The following KCNJ14 variants were observed in gnomAD, a reference collection of about 807,000 sequenced individuals.
KCNJ14 encodes potassium inwardly rectifying channel subfamily J member 14, also known as ATP-sensitive inward rectifier potassium channel 14.
Under a neutral mutation model 24.5 loss-of-function variants are expected in KCNJ14, and 18 were observed. The observed-to-expected ratio is 0.74, with a 90% CI of 0.51 to 1.09. The LOEUF is 1.09. Ranked by LOEUF, KCNJ14 falls within the 50% of genes least tolerant of loss-of-function variation. The pLI is 0.00. For missense variants in KCNJ14, 633 were observed against 623.0 expected (o/e 1.02, Z -0.17); for synonymous variants, 288 against 270.8 (o/e 1.06, Z -0.63).
chr19:48,455,897 G>C (rs77586652), intron 1 of KCNJ14, 39 bp downstream of exon 1: 1 of 152,338 alleles, frequency 6.6e-6, no homozygotes, highest in African/African-American at 2.4e-5. Flanking sequence ...GGGGCTGTGG[G>C]CATGTCGGGA....
rs949627091 is a variant in KCNJ14, at chr19:48,465,614, G to C, written c.*837G>C. Reference sequence around the variant, plus strand: ...GCAGTGCTTTGAAAGGATCCACTGGGTGGGTTGTTTTTTTTTAAAGTGCCA... The same window carrying C: ...GCAGTGCTTTGAAAGGATCCACTGGCTGGGTTGTTTTTTTTTAAAGTGCCA... On this transcript the variant is annotated 3_prime_UTR_variant, in exon 3 of 3. Transcript: ENST00000342291. The C allele has an allele frequency of 6.6e-6, 1 of 152,552 alleles. No individual in the cohort carries two copies. Among genetic ancestry groups the C allele is most frequent in the African/African-American group, 2.4e-5 (1 of 41,426 alleles). 9.4% of individuals were successfully genotyped at this position (152,552 alleles called of 1,614,324 possible).
chr19:48,464,035 G>A (rs1228808094), intron 2 of KCNJ14, 146 bp from the exon 3 acceptor site: 1 of 647,478 alleles, frequency 1.5e-6, no homozygotes, highest in East Asian at 2.6e-5. Context: ...CTGGGTTGCC[G>A]GCCCCATCTC....
In KCNJ14 at chr19:48,461,888, AAGAC is replaced by A. The variant is rs1569083568; in HGVS notation, c.165_168del (p.Asp56GlyfsTer8). The A allele has an allele frequency of 6.3e-7, 1 of 1,597,292 alleles. No homozygotes were observed. Among genetic ancestry groups the A allele is most frequent in the Admixed American group, 1.7e-5 (1 of 58,364 alleles). ...CGGCGCCGCGGTCGCTTCGTCAAGAAAGACGGGCACTGCAACGTGCGTTTCGTAA... is the reference window on the plus strand; with the variant it reads ...CGGCGCCGCGGTCGCTTCGTCAAGAAGGGCACTGCAACGTGCGTTTCGTAA... On this transcript the variant is annotated frameshift_variant, in exon 2 of 3. Transcript: ENST00000342291. LOFTEE classifies it high-confidence loss of function.
Position 48,464,479 on chromosome 19 carries a change from G to A in KCNJ14, c.1013G>A (p.Arg338His), listed in dbSNP as rs201147349. The change falls in exon 3 of 3, where the codon CGT (arginine) becomes CAT (histidine). Residue 338 changes from arginine (R) to histidine (H), a missense_variant. Coordinates refer to ENST00000342291, the MANE Select transcript of KCNJ14 (RefSeq NM_013348.4). ...GHRFEPVLFQ[R>H]GSQYEVDYRH... Reference sequence around the variant, plus strand: ...CGTTTTGAGCCAGTTCTCTTCCAGCGTGGCTCCCAGTATGAGGTCGACTAT... The same window carrying A: ...CGTTTTGAGCCAGTTCTCTTCCAGCATGGCTCCCAGTATGAGGTCGACTAT... 2.2e-4 allele frequency: 352 copies of A among 1,613,932 alleles called. No individual in the cohort carries two copies. Among genetic ancestry groups the A allele is most frequent in the Non-Finnish European group, 2.8e-4 (330 of 1,180,026 alleles).
chr19:48,459,569 A>AT (rs1477467959), intron 1 of KCNJ14, among the ~76,000 whole-genome samples: 5 of 151,806 alleles, frequency 3.3e-5, no homozygotes, highest in African/African-American at 7.3e-5. Flanking sequence ...TAATTTTTTA[A>AT]TTTTTTTGTA....
chr19:48,459,037 G>A (rs1238367941), intron 1 of KCNJ14, among the ~76,000 whole-genome samples: 2 of 150,406 alleles, frequency 1.3e-5, no homozygotes, highest in Non-Finnish European at 3.0e-5. Context: ...TCAGGAGATC[G>A]AGACCATCCT....
At position 48,461,882 on chromosome 19, in the gene KCNJ14, T is replaced by A. The variant is rs1971601760; in HGVS notation, c.158T>A (p.Val53Asp). The part of the protein sequence containing the change: ...SPVGRRRGRF[V>D]KKDGHCNVRF... ...GTGGGCCGGCGCCGCGGTCGCTTCG[T>A]CAAGAAAGACGGGCACTGCAACGTG... Residue 53 changes from valine to aspartate, a missense_variant, in exon 2 of 3, where the codon GTC (valine) becomes GAC (aspartate). Val to Asp is a radical substitution (Grantham distance 152). Transcript: ENST00000342291. The A allele has an allele frequency of 3.8e-6, 6 of 1,593,288 alleles. No homozygotes were observed. The highest frequency in any genetic ancestry group is 5.1e-6 in the Non-Finnish European group (6 of 1,168,922).
Position 48,461,023 on chromosome 19 carries a change from A to T in KCNJ14, c.-55-647A>T, listed in dbSNP as rs185282180. The stretch of plus-strand genomic sequence containing the variant: ...AAAAATTAAATTAAAAAAAAAATTT[A>T]AAAAAGAAGGTGGCTGGCCAGGCGC... On this transcript the variant is annotated intron_variant, in intron 1 of 2. Transcript: ENST00000342291. 2.6e-3 allele frequency among the ~76,000 whole-genome samples: 399 copies of T among 152,012 alleles called. 5 individuals carry two copies. Among genetic ancestry groups the T allele is most frequent in the African/African-American group, 9.1e-3 (376 of 41,504 alleles).
In KCNJ14 at chr19:48,462,011, C is replaced by T. The variant is rs1181791548; in HGVS notation, c.287C>T (p.Ser96Phe). Residue 96 changes from serine to phenylalanine, a missense_variant, in exon 2 of 3, where the codon TCC becomes TTC. Physicochemically the swap from Ser to Phe is radical, Grantham distance 155. Transcript: ENST00000342291. This position sits in a 1 kb window ranked among gnomAD's most constrained non-coding sequence, Gnocchi z 4.9. ...WRWMCLLFSC[S>F]FLASWLLFGL... ...TGGATGTGCCTGCTCTTCTCCTGCT[C>T]CTTCCTCGCCTCCTGGCTGCTCTTC... is the stretch of plus-strand genomic sequence containing the variant. 6.2e-7 allele frequency: 1 copy of T among 1,612,872 alleles called. No homozygotes were observed.
intron 1 of KCNJ14, among the ~76,000 whole-genome samples, chr19:48,457,363 G>A (rs1275235299): frequency 6.6e-6 from 1 of 152,204 alleles, no homozygotes; most frequent in African/African-American, 2.4e-5. Context: ...AAATGGTTGA[G>A]CAAACTGAGT....
At position 48,466,954 on chromosome 19, in the gene KCNJ14, C is replaced by T. The variant is rs1335891732; in HGVS notation, c.*2177C>T. Reference sequence around the variant, plus strand: ...TGAGTGTTTTAGGGGGAGACCTGTCCCCCAGATTAAAGAACTGGGAGCCCT... The same window carrying T: ...TGAGTGTTTTAGGGGGAGACCTGTCTCCCAGATTAAAGAACTGGGAGCCCT... On this transcript the variant is annotated 3_prime_UTR_variant, in exon 3 of 3. Transcript: ENST00000342291. The T allele has an allele frequency of 1.3e-5, 2 of 152,288 alleles. No homozygotes were observed. Among genetic ancestry groups the T allele is most frequent in the African/African-American group, 4.8e-5 (2 of 41,530 alleles). 9.4% of individuals were successfully genotyped at this position (152,288 alleles called of 1,614,324 possible). A position where few individuals can be genotyped will look rare whatever the true frequency, so the allele number is the denominator to read the frequency against.
Position 48,464,598 on chromosome 19 carries a change from A to C in KCNJ14, c.1132A>C (p.Lys378Gln), listed in dbSNP as rs543602716. ...GGCAGAGCAGGCTTCCCACAGCCTC[A>C]AGTCTAGTTTCCCCGGCTCTCTGAC... ...ERAEQASHSLKSSFPGSLTAF... is the reference protein window; with the variant it reads ...ERAEQASHSLQSSFPGSLTAF... Residue 378 changes from lysine to glutamine, a missense_variant, in exon 3 of 3, where the codon AAG (lysine) becomes CAG (glutamine). Transcript: ENST00000342291. 6.8e-6 allele frequency: 11 copies of C among 1,614,018 alleles called. No individual in the cohort carries two copies. Among genetic ancestry groups the C allele is most frequent in the Middle Eastern group, 1.6e-4 (1 of 6,084 alleles).
In KCNJ14 at chr19:48,462,276, C is replaced by G; in HGVS notation, c.552C>G (p.Val184=). ...TCGACGCCTTCGTCGTGGGTGCTGT[C>G]ATGGCCAAGATGGCCAAACCCAAGA... is the stretch of plus-strand genomic sequence containing the variant. The part of the protein sequence containing the change: ...CVLDAFVVGA[V]MAKMAKPKKR... Residue 184 remains valine (V), a synonymous_variant, in exon 2 of 3, where the codon GTC becomes GTG. Transcript: ENST00000342291. The surrounding 1 kb of genome is among the most constrained non-coding windows in gnomAD (Gnocchi z 4.9). 1 of 1,548,640 alleles carries G rather than the reference C, an allele frequency of 6.5e-7. No individual in the cohort carries two copies. The highest frequency in any genetic ancestry group is 2.0e-5 in the Admixed American group (1 of 51,130).
intron 1 of KCNJ14, 120 bp downstream of exon 1, chr19:48,455,978 T>G (rs10421340): frequency 0.09 from 13,703 of 152,350 alleles, 1,182 homozygotes; most frequent in African/African-American, 0.23. Context: ...CTGTGGTTTG[T>G]CACTCGGGCC....
rs199922305 is a variant in KCNJ14 at position 48,464,465 on chromosome 19, A to C, written c.999A>C (p.Pro333=). The C allele has an allele frequency of 6.2e-7, 1 of 1,614,030 alleles. No individual in the cohort carries two copies. The highest frequency in any genetic ancestry group is 1.3e-5 in the African/African-American group (1 of 75,024). ...TGCTCTGGGGCCATCGTTTTGAGCCAGTTCTCTTCCAGCGTGGCTCCCAGT... is the reference window on the plus strand; with the variant it reads ...TGCTCTGGGGCCATCGTTTTGAGCCCGTTCTCTTCCAGCGTGGCTCCCAGT... The part of the protein sequence containing the change: ...GELLWGHRFE[P]VLFQRGSQYE... Residue 333 remains proline (P), a synonymous_variant, in exon 3 of 3, where the codon CCA becomes CCC. Transcript: ENST00000342291.
intron 1 of KCNJ14, among the ~76,000 whole-genome samples, chr19:48,457,867 G>A (rs1264475421): frequency 6.6e-6 from 1 of 151,964 alleles, no homozygotes; most frequent in African/African-American, 2.4e-5. Context: ...GTTATTTTTA[G>A]TGGAGACGGG....
At chr19:48,457,975 C>T (rs1200733289) in intron 1 of KCNJ14, among the ~76,000 whole-genome samples, 4 of 152,194 alleles carry the variant, frequency 2.6e-5, no homozygotes, top group Admixed American at 6.5e-5. Context: ...TGCGAGCCAC[C>T]GCACCTGGCC....
intron 1 of KCNJ14, among the ~76,000 whole-genome samples, chr19:48,460,160 C>T (rs934739095): frequency 4.6e-5 from 7 of 152,186 alleles, no homozygotes; most frequent in African/African-American, 1.7e-4. Flanking sequence ...GCAGTTACAC[C>T]TTACGATTAT....
chr19:48,463,833 T>A (rs1169443110), intron 2 of KCNJ14, among the ~76,000 whole-genome samples: 1 of 151,928 alleles, frequency 6.6e-6, no homozygotes, highest in Admixed American at 6.6e-5. Flanking sequence ...TCTGTCCCTC[T>A]CTCCTCTTCC....
Sources: allele counts gnomAD v4.1 joint callset (sites outside exome capture counted in the v4.1 genomes callset), GRCh38; gene constraint gnomAD v4.1.1; non-coding constraint Gnocchi (gnomAD v3.1); transcripts MANE v1.5; gene names NCBI Gene and HGNC (gene_info 2026-07-23, HGNC 2026-07-21).